The following KCND2 variants were observed in gnomAD, a reference collection of about 807,000 sequenced individuals.
KCND2 encodes A-type voltage-gated potassium channel KCND2.
In KCND2, 16 loss-of-function variants were observed where a neutral mutation model predicts 54.4. That is an observed-to-expected ratio of 0.29 (90% CI 0.20 to 0.45). KCND2 has a LOEUF of 0.45. KCND2 is among the 20% of genes least tolerant of loss of function. The pLI is 1.00. For missense variants in KCND2, 486 were observed against 824.2 expected (o/e 0.59, Z 5.02); for synonymous variants, 317 against 310.7 (o/e 1.02, Z -0.21).
intron 1 of KCND2, among the ~76,000 whole-genome samples, chr7:120,408,142 G>A (rs796306028): frequency 6.6e-6 from 1 of 151,846 alleles, no homozygotes; most frequent in Non-Finnish European, 1.5e-5. Flanking sequence ...ATGATTGAAG[G>A]GATGCGAAGG....
At chr7:120,744,177 G>T (rs1017472634) in intron 4 of KCND2, among the ~76,000 whole-genome samples, 1 of 152,084 alleles carries the variant, frequency 6.6e-6, no homozygotes, top group Non-Finnish European at 1.5e-5. Flanking sequence ...CAGGAGAATT[G>T]CTTGAACCCA....
chr7:120,667,743 C>T (rs572983665), intron 1 of KCND2, among the ~76,000 whole-genome samples: 1 of 152,034 alleles, frequency 6.6e-6, no homozygotes, highest in Admixed American at 6.5e-5. Context: ...ACTCAGTAGA[C>T]AAAAATATGC....
chr7:120,520,584 C>T lies in KCND2; in HGVS notation c.1116-212319C>T, dbSNP rs144188992. Among the ~76,000 whole-genome samples, 908 of 151,990 alleles carry T rather than the reference C, an allele frequency of 6.0e-3. 8 individuals are homozygous for T. Among genetic ancestry groups the T allele is most frequent in the African/African-American group, 0.021 (865 of 41,488 alleles). On this transcript the variant is annotated intron_variant, in intron 1 of 5. Transcript: ENST00000331113. Reference sequence around the variant, plus strand: ...TAAAAAGAGTATATGAGCTCAGGGACGCTCCTGAAGAAGAATAGAGAATAT... The same window carrying T: ...TAAAAAGAGTATATGAGCTCAGGGATGCTCCTGAAGAAGAATAGAGAATAT...
At chr7:120,731,697 G>A (rs1252332460) in intron 1 of KCND2, among the ~76,000 whole-genome samples, 1 of 152,160 alleles carries the variant, frequency 6.6e-6, no homozygotes, top group Non-Finnish European at 1.5e-5. Flanking sequence ...GGAGAGTCAG[G>A]TAAGAAGCTA....
At chr7:120,528,493 ATAT>A (rs1487084898) in intron 1 of KCND2, among the ~76,000 whole-genome samples, 1 of 152,146 alleles carries the variant, frequency 6.6e-6, no homozygotes, top group Admixed American at 6.5e-5. Context: ...GTGATGTAAG[ATAT>A]TATGTGTCAT....
At chr7:120,286,109 A>T (rs1389028991) in intron 1 of KCND2, among the ~76,000 whole-genome samples, 1 of 151,976 alleles carries the variant, frequency 6.6e-6, no homozygotes, top group Non-Finnish European at 1.5e-5. Context: ...AAAAACTATG[A>T]ATAAATTAAG....
intron 1 of KCND2, among the ~76,000 whole-genome samples, chr7:120,677,564 G>GAT (rs1340371002): frequency 1.7e-5 from 2 of 117,162 alleles, no homozygotes; most frequent in African/African-American, 7.1e-5. Context: ...TAGATATATA[G>GAT]ATATATAGAT....
At chr7:120,546,325 T>G (rs1184154775) in intron 1 of KCND2, among the ~76,000 whole-genome samples, 1 of 151,960 alleles carries the variant, frequency 6.6e-6, no homozygotes, top group African/African-American at 2.4e-5. Context: ...AGCGTAATGC[T>G]GTTCTTTCCT....
At chr7:120,534,699 A>G (rs1008990488) in intron 1 of KCND2, among the ~76,000 whole-genome samples, 4 of 152,180 alleles carry the variant, frequency 2.6e-5, no homozygotes, top group Admixed American at 2.0e-4. Flanking sequence ...CAATAGGCAA[A>G]ACAGAGTGAG....
chr7:120,319,169 A>T (rs944899839), intron 1 of KCND2, among the ~76,000 whole-genome samples: 42 of 151,942 alleles, frequency 2.8e-4, no homozygotes, highest in African/African-American at 9.9e-4. Flanking sequence ...AGATGACTCT[A>T]TTATCTTTCT....
chr7:120,625,909 G>A (rs530323881), intron 1 of KCND2, among the ~76,000 whole-genome samples: 3 of 152,102 alleles, frequency 2.0e-5, no homozygotes, highest in Non-Finnish European at 4.4e-5. Flanking sequence ...AATTGGAAAA[G>A]TGAAAATTTA....
At chr7:120,522,689 G>A (rs1791713600) in intron 1 of KCND2, among the ~76,000 whole-genome samples, 1 of 152,102 alleles carries the variant, frequency 6.6e-6, no homozygotes, top group East Asian at 1.9e-4. Flanking sequence ...GTAAATAAAA[G>A]TCACGAATAT....
chr7:120,710,933 A>G (rs1792529886), intron 1 of KCND2, among the ~76,000 whole-genome samples: 1 of 152,100 alleles, frequency 6.6e-6, no homozygotes, highest in African/African-American at 2.4e-5. Flanking sequence ...TTCATTAGTC[A>G]TTTAGCTCCA....
chr7:120,324,715 A>G (rs1351813265), intron 1 of KCND2, among the ~76,000 whole-genome samples: 12 of 151,878 alleles, frequency 7.9e-5, no homozygotes, highest in Admixed American at 2.6e-4. Flanking sequence ...TTGTAGTATA[A>G]TTTGAAGTCA....
At chr7:120,680,420 T>A (rs540963712) in intron 1 of KCND2, among the ~76,000 whole-genome samples, 4 of 152,256 alleles carry the variant, frequency 2.6e-5, no homozygotes, top group Non-Finnish European at 5.9e-5. Flanking sequence ...GGGCAACAAC[T>A]GTTTCATCGC....
chr7:120,617,181 A>G (rs1032308770), intron 1 of KCND2, among the ~76,000 whole-genome samples: 2 of 152,210 alleles, frequency 1.3e-5, no homozygotes, highest in Non-Finnish European at 2.9e-5. Flanking sequence ...AGAGATAGCA[A>G]GGTGCTCCTA....
In KCND2 at chr7:120,750,271, T is replaced by C. The variant is rs1324016201; in HGVS notation, c.*2413T>C. ...AAAGGATAGCATAATATCTGCATTA[T>C]GCTGGAAAAAAATAGACCTTTGGAG... On this transcript the variant is annotated 3_prime_UTR_variant, in exon 6 of 6. Coordinates refer to ENST00000331113, the MANE Select transcript of KCND2 (RefSeq NM_012281.3). The C allele has an allele frequency of 6.6e-6, 1 of 152,426 alleles. No individual in the cohort carries two copies. The highest frequency in any genetic ancestry group is 1.5e-5 in the Non-Finnish European group (1 of 67,882). The allele number at this position is 152,426 out of a possible 1,614,324, so 9.4% of individuals were successfully genotyped here.
rs187681055 is a variant in KCND2 at position 120,580,142 on chromosome 7, A to G, written c.1116-152761A>G. On this transcript the variant is annotated intron_variant, in intron 1 of 5. Transcript: ENST00000331113. ...GTTCAATCAGGATTTATGTATCAGCACAGCATAACCCTCTTACTCTTTAAG... is the reference window on the plus strand; with the variant it reads ...GTTCAATCAGGATTTATGTATCAGCGCAGCATAACCCTCTTACTCTTTAAG... Among the ~76,000 whole-genome samples the G allele has an allele frequency of 1.7e-3, 257 of 152,348 alleles. 2 individuals are homozygous for G. Among genetic ancestry groups the G allele is most frequent in the African/African-American group, 6.0e-3 (248 of 41,574 alleles).
At chr7:120,635,191 G>T (rs760837340) in intron 1 of KCND2, among the ~76,000 whole-genome samples, 24 of 152,154 alleles carry the variant, frequency 1.6e-4, no homozygotes, top group Non-Finnish European at 2.6e-4. Context: ...TAGCTCTGGT[G>T]CCCATTGTGG....
Sources: allele counts gnomAD v4.1 joint callset (sites outside exome capture counted in the v4.1 genomes callset), GRCh38; gene constraint gnomAD v4.1.1; transcripts MANE v1.5; gene names NCBI Gene and HGNC (gene_info 2026-07-23, HGNC 2026-07-21).